Variants in MAN1C1 observed in about 807,000 individuals in gnomAD.
The protein encoded by MAN1C1 is mannosidase alpha class 1C member 1, also known as mannosyl-oligosaccharide 1,2-alpha-mannosidase IC.
Under a neutral mutation model 71.5 loss-of-function variants are expected in MAN1C1, and 49 were observed. That is an observed-to-expected ratio of 0.69 (90% CI 0.54 to 0.87). The LOEUF (loss-of-function observed/expected upper bound fraction) is 0.87. MAN1C1 is among the 40% of genes least tolerant of loss of function. MAN1C1 has a pLI of 0.00. For missense variants in MAN1C1, 743 were observed against 835.0 expected (o/e 0.89, Z 1.36); for synonymous variants, 352 against 343.7 (o/e 1.02, Z -0.27).
At chr1:25,780,260 A>G (rs983036466) in intron 9 of MAN1C1, among the ~76,000 whole-genome samples, 16 of 152,334 alleles carry the variant, frequency 1.1e-4, no homozygotes, top group African/African-American at 3.1e-4. Context: ...AATTATGGCC[A>G]TATGACAAGA....
intron 8 of MAN1C1, among the ~76,000 whole-genome samples, chr1:25,773,961 A>T (rs1214314088): frequency 6.6e-6 from 1 of 152,114 alleles, no homozygotes; most frequent in South Asian, 2.1e-4. Flanking sequence ...CCTGACTCAG[A>T]ACCTCTGGGC....
intron 2 of MAN1C1, among the ~76,000 whole-genome samples, chr1:25,692,474 A>G (rs563002560): frequency 6.6e-6 from 1 of 152,090 alleles, no homozygotes; most frequent in Non-Finnish European, 1.5e-5. Context: ...TGATCCTCTC[A>G]AAGTGCTAGG....
intron 4 of MAN1C1, among the ~76,000 whole-genome samples, chr1:25,750,681 G>C (rs1377045299): frequency 2.6e-5 from 4 of 152,228 alleles, no homozygotes; most frequent in Non-Finnish European, 5.9e-5. Flanking sequence ...ATTAGCGCTT[G>C]TACCAATTTG....
intron 1 of MAN1C1, among the ~76,000 whole-genome samples, chr1:25,626,765 G>T (rs55725218): frequency 0.09 from 13,668 of 152,030 alleles, 1,354 homozygotes; most frequent in East Asian, 0.22. Flanking sequence ...TTGCAAGAAT[G>T]CTTCATATAT....
At chr1:25,670,828 A>G (rs1001167648) in intron 1 of MAN1C1, among the ~76,000 whole-genome samples, 1 of 152,158 alleles carries the variant, frequency 6.6e-6, no homozygotes, top group Non-Finnish European at 1.5e-5. Flanking sequence ...ATTTGTTGTC[A>G]TGGTTAAGAC....
At position 25,634,709 on chromosome 1, in the gene MAN1C1, A is replaced by T. The variant is rs1350972231; in HGVS notation, c.540+16372A>T. On this transcript the variant is annotated intron_variant, in intron 1 of 11. Transcript: ENST00000374332. The surrounding 1 kb of genome is among the most constrained non-coding windows in gnomAD (Gnocchi z 4.6). The stretch of plus-strand genomic sequence containing the variant: ...TTGGCACACGCCTGTAGTCCCAGCT[A>T]TTCAGGAGGCTGGGGCACGAGAATT... 6.6e-6 allele frequency among the ~76,000 whole-genome samples: 1 copy of T among 152,162 alleles called. No individual in the cohort carries two copies. The highest frequency in any genetic ancestry group is 1.9e-4 in the East Asian group (1 of 5,182).
At chr1:25,633,004 A>G (rs1044488362) in intron 1 of MAN1C1, among the ~76,000 whole-genome samples, 3 of 151,226 alleles carry the variant, frequency 2.0e-5, no homozygotes, top group East Asian at 1.9e-4. Context: ...AGTACCTGGG[A>G]CTACAGGTGC....
Position 25,617,668 on chromosome 1 carries a change from ACT to A in MAN1C1, c.-126_-125del, listed in dbSNP as rs1395137047. The A allele has an allele frequency of 6.9e-6, 5 of 729,638 alleles. No individual in the cohort carries two copies. Among genetic ancestry groups the A allele is most frequent in the East Asian group, 6.6e-5 (2 of 30,506 alleles). The allele number at this position is 729,638 out of a possible 1,614,324, so 45.2% of individuals were successfully genotyped here. ...GGGGACAGTCCCCCGAAGCGGCGAAACTCTCAGGGTTGGCAACCCTGCCCAGG... is the reference window on the plus strand; with the variant it reads ...GGGGACAGTCCCCCGAAGCGGCGAAACTCAGGGTTGGCAACCCTGCCCAGG... On this transcript the variant is annotated 5_prime_UTR_variant, in exon 1 of 12. Coordinates refer to ENST00000374332, the MANE Select transcript of MAN1C1 (RefSeq NM_020379.4). This position sits in a 1 kb window ranked among gnomAD's most constrained non-coding sequence, Gnocchi z 5.1.
intron 1 of MAN1C1, among the ~76,000 whole-genome samples, chr1:25,646,903 C>T (rs542168694): frequency 6.6e-6 from 1 of 152,240 alleles, no homozygotes; most frequent in East Asian, 1.9e-4. Flanking sequence ...TTTGGGTGGA[C>T]ATGTTTTCAG....
chr1:25,716,529 G>A (rs969559050), intron 2 of MAN1C1, among the ~76,000 whole-genome samples: 1 of 152,122 alleles, frequency 6.6e-6, no homozygotes, highest in East Asian at 1.9e-4. Flanking sequence ...ATTCTGCCGT[G>A]TTGCCCAAGC....
intron 2 of MAN1C1, among the ~76,000 whole-genome samples, chr1:25,741,717 C>A (rs2124326379): frequency 6.6e-6 from 1 of 152,272 alleles, no homozygotes; most frequent in Non-Finnish European, 1.5e-5. Context: ...GGGCTCTAAG[C>A]CGGACATCAG....
chr1:25,729,945 C>T (rs1572179372), intron 2 of MAN1C1, among the ~76,000 whole-genome samples: 1 of 152,214 alleles, frequency 6.6e-6, no homozygotes, highest in Non-Finnish European at 1.5e-5. Flanking sequence ...GCTGCATAAA[C>T]TTCCACCTAT....
chr1:25,776,771 A>G lies in MAN1C1; in HGVS notation c.1258-1334A>G, dbSNP rs1296838493. Reference sequence around the variant, plus strand: ...GAAAAAAGGCCAGTGTAGGTGAGGTAGGGTGTGAGGAGGGAGGGGCAGGAG... The same window carrying G: ...GAAAAAAGGCCAGTGTAGGTGAGGTGGGGTGTGAGGAGGGAGGGGCAGGAG... On this transcript the variant is annotated intron_variant, in intron 8 of 11. Coordinates refer to ENST00000374332, the MANE Select transcript of MAN1C1 (RefSeq NM_020379.4). The surrounding 1 kb of genome is among the most constrained non-coding windows in gnomAD (Gnocchi z 4.3). Among the ~76,000 whole-genome samples, 1 of 151,912 alleles carries G rather than the reference A, an allele frequency of 6.6e-6. No individual in the cohort carries two copies.
At chr1:25,620,386 A>C (rs1484505699) in intron 1 of MAN1C1, among the ~76,000 whole-genome samples, 1 of 152,088 alleles carries the variant, frequency 6.6e-6, no homozygotes, top group Admixed American at 6.5e-5. Context: ...TTGTTTTGAA[A>C]CCTATTGTCT....
chr1:25,623,021 CT>C (rs1476730781), intron 1 of MAN1C1, among the ~76,000 whole-genome samples: 2 of 152,180 alleles, frequency 1.3e-5, no homozygotes, highest in Admixed American at 6.5e-5. Context: ...CTTCCAAGAG[CT>C]CTGTTTGAGT....
At chr1:25,734,913 G>T (rs2046960737) in intron 2 of MAN1C1, among the ~76,000 whole-genome samples, 2 of 152,246 alleles carry the variant, frequency 1.3e-5, no homozygotes, top group Non-Finnish European at 2.9e-5. Flanking sequence ...ATCCACGTGG[G>T]AGAGTCAGGG....
chr1:25,685,925 G>A (rs1239868877), intron 1 of MAN1C1, among the ~76,000 whole-genome samples: 1 of 152,232 alleles, frequency 6.6e-6, no homozygotes, highest in African/African-American at 2.4e-5. Flanking sequence ...CAGACCTAAG[G>A]CTTTGGAGCC....
chr1:25,630,023 G>A (rs1023033069), intron 1 of MAN1C1, among the ~76,000 whole-genome samples: 16 of 152,138 alleles, frequency 1.1e-4, no homozygotes, highest in Non-Finnish European at 2.1e-4. Context: ...TATGGTTTCA[G>A]GTCTTAGATT....
intron 2 of MAN1C1, among the ~76,000 whole-genome samples, chr1:25,742,383 G>C (rs1263091296): frequency 6.6e-6 from 1 of 152,202 alleles, no homozygotes; most frequent in African/African-American, 2.4e-5. Context: ...AGATCAGGTA[G>C]TGATGGCCTC....
Sources: gnomAD v4.1 joint callset for allele counts (sites outside exome capture counted in the v4.1 genomes callset) on GRCh38, gnomAD v4.1.1 for gene constraint, Gnocchi (gnomAD v3.1) non-coding constraint, MANE v1.5 for transcripts, NCBI Gene and HGNC (gene_info 2026-07-23, HGNC 2026-07-21) for gene names.